GMDS: variants seen among roughly 807,000 people sequenced by gnomAD.
The protein encoded by GMDS is GDP-mannose 4,6-dehydratase, also known as GDP-mannose 4,6 dehydratase.
A neutral mutation model predicts 49.9 loss-of-function variants in GMDS; 20 were observed. That is an observed-to-expected ratio of 0.40 (90% CI 0.28 to 0.58). GMDS has a LOEUF of 0.58. Among genes scored for constraint, GMDS ranks in the 20% least tolerant of loss-of-function variants. The pLI, the probability that GMDS is intolerant of heterozygous loss-of-function variation, is 0.42. For missense variants in GMDS, 362 were observed against 481.4 expected (o/e 0.75, Z 2.32); for synonymous variants, 177 against 178.6 (o/e 0.99, Z 0.07).
chr6:1,904,860 G>A (rs1237794353), intron 7 of GMDS, among the ~76,000 whole-genome samples: 3 of 152,176 alleles, frequency 2.0e-5, no homozygotes, highest in Non-Finnish European at 4.4e-5. Context: ...AGATGGACCT[G>A]TCCCCAGTGT....
chr6:2,245,383 A>G lies in GMDS; in HGVS notation c.40T>C (p.Ser14Pro). 1 of 1,546,396 alleles carries G rather than the reference A, an allele frequency of 6.5e-7. No homozygotes were observed. The highest frequency in any genetic ancestry group is 8.7e-7 in the Non-Finnish European group (1 of 1,151,880). ...APARCPSARGSGDGEMGKPRN... is the reference protein window; with the variant it reads ...APARCPSARGPGDGEMGKPRN... ...GGCTTGCCCATCTCGCCGTCCCCGG[A>G]GCCCCGGGCGCTGGGGCAGCGTGCC... is the stretch of plus-strand genomic sequence containing the variant. The change falls in exon 1 of 11, where the codon TCC (serine) becomes CCC (proline). Residue 14 changes from serine (S) to proline (P), a missense_variant. Coordinates refer to ENST00000380815, the MANE Select transcript of GMDS (RefSeq NM_001500.4).
chr6:1,828,305 A>G (rs1581230458), intron 7 of GMDS, among the ~76,000 whole-genome samples: 2 of 152,204 alleles, frequency 1.3e-5, no homozygotes, highest in East Asian at 3.9e-4. Context: ...CTCAAGGGAC[A>G]CCATCAAGCA....
chr6:1,922,440 G>A (rs1430823153), intron 7 of GMDS, among the ~76,000 whole-genome samples: 3 of 152,190 alleles, frequency 2.0e-5, no homozygotes, highest in Non-Finnish European at 2.9e-5. Flanking sequence ...AGAGGCAGGA[G>A]GCAGACAGGG....
At chr6:1,918,513 A>C (rs2113897319) in intron 7 of GMDS, among the ~76,000 whole-genome samples, 1 of 151,654 alleles carries the variant, frequency 6.6e-6, no homozygotes, top group East Asian at 1.9e-4. Flanking sequence ...TGGGGGGCCG[A>C]GGTGGACAGA....
chr6:1,931,033 T>C (rs567203419), intron 6 of GMDS: 4 of 152,330 alleles, frequency 2.6e-5, no homozygotes, highest in African/African-American at 9.6e-5. Flanking sequence ...CTATCTGCTT[T>C]TTCAAAGATC....
chr6:2,165,188 T>C (rs754732469), intron 1 of GMDS, among the ~76,000 whole-genome samples: 3 of 152,122 alleles, frequency 2.0e-5, no homozygotes, highest in Non-Finnish European at 2.9e-5. Flanking sequence ...AGTACCAAAA[T>C]CTGTACTAGT....
intron 9 of GMDS, among the ~76,000 whole-genome samples, chr6:1,636,397 T>A (rs978887986): frequency 6.6e-6 from 1 of 152,232 alleles, no homozygotes; most frequent in African/African-American, 2.4e-5. Flanking sequence ...GAGCCAGGGC[T>A]GACAAAGGGC....
At chr6:2,215,920 T>C (rs927991744) in intron 1 of GMDS, among the ~76,000 whole-genome samples, 1 of 152,128 alleles carries the variant, frequency 6.6e-6, no homozygotes, top group Non-Finnish European at 1.5e-5. Context: ...ATATATAATA[T>C]AATAAATACA....
At chr6:1,925,098 C>A (rs1411510020) in intron 7 of GMDS, among the ~76,000 whole-genome samples, 1 of 152,068 alleles carries the variant, frequency 6.6e-6, no homozygotes, top group Non-Finnish European at 1.5e-5. Flanking sequence ...GTTCAAAATG[C>A]AACAGTAATT....
chr6:1,800,095 G>C (rs1378826491), intron 7 of GMDS, among the ~76,000 whole-genome samples: 2 of 152,168 alleles, frequency 1.3e-5, no homozygotes, highest in Non-Finnish European at 2.9e-5. Context: ...CTCCCACCTT[G>C]ACTAGGGCTG....
intron 7 of GMDS, among the ~76,000 whole-genome samples, chr6:1,810,565 G>A (rs1457788078): frequency 2.0e-5 from 3 of 152,130 alleles, no homozygotes; most frequent in Non-Finnish European, 4.4e-5. Flanking sequence ...TTACAGGCGT[G>A]AGCCACCACA....
chr6:2,086,393 C>T (rs1170376730), intron 4 of GMDS, among the ~76,000 whole-genome samples: 4 of 152,200 alleles, frequency 2.6e-5, no homozygotes, highest in Non-Finnish European at 5.9e-5. Context: ...GGCTCACACA[C>T]CTAGAATTCC....
chr6:1,633,443 C>G (rs1185342616), intron 9 of GMDS, among the ~76,000 whole-genome samples: 1 of 152,140 alleles, frequency 6.6e-6, no homozygotes, highest in East Asian at 1.9e-4. Context: ...TGTCATGAAG[C>G]CCATGTTCTA....
intron 9 of GMDS, among the ~76,000 whole-genome samples, chr6:1,669,019 T>C (rs1253094350): frequency 6.6e-6 from 1 of 152,230 alleles, no homozygotes; most frequent in African/African-American, 2.4e-5. Context: ...TTCTAACATA[T>C]GTCAGTACTG....
intron 6 of GMDS, among the ~76,000 whole-genome samples, chr6:1,935,542 T>G (rs1363288752): frequency 6.6e-6 from 1 of 152,170 alleles, no homozygotes; most frequent in African/African-American, 2.4e-5. Context: ...GATGACTACA[T>G]CTCTTAATTC....
At chr6:2,234,043 C>T (rs965283803) in intron 1 of GMDS, among the ~76,000 whole-genome samples, 12 of 152,188 alleles carry the variant, frequency 7.9e-5, no homozygotes, top group Non-Finnish European at 1.5e-4. Flanking sequence ...ACTAGGGATA[C>T]AGCAGTAAAA....
intron 4 of GMDS, among the ~76,000 whole-genome samples, chr6:2,016,156 G>A (rs1767888266): frequency 6.6e-6 from 1 of 151,456 alleles, no homozygotes; most frequent in African/African-American, 2.4e-5. Flanking sequence ...CTACTTGGGA[G>A]GCTGAGGTGG....
chr6:2,146,964 T>G (rs1776586748), intron 1 of GMDS, among the ~76,000 whole-genome samples: 1 of 152,184 alleles, frequency 6.6e-6, no homozygotes, highest in African/African-American at 2.4e-5. Flanking sequence ...GATATTATTC[T>G]TGGTAGAAAG....
intron 1 of GMDS, among the ~76,000 whole-genome samples, chr6:2,145,881 T>C (rs183863902): frequency 3.2e-4 from 49 of 152,252 alleles, no homozygotes; most frequent in African/African-American, 1.2e-3. Context: ...TACAGGAGGA[T>C]GTACGTAAGT....
Sources: allele counts gnomAD v4.1 joint callset (sites outside exome capture counted in the v4.1 genomes callset), GRCh38; gene constraint gnomAD v4.1.1; transcripts MANE v1.5; gene names NCBI Gene and HGNC (gene_info 2026-07-23, HGNC 2026-07-21).